HERC3: variants seen among roughly 807,000 people sequenced by gnomAD.
The protein encoded by HERC3 is HECT and RLD domain containing E3 ubiquitin protein ligase 3.
A neutral mutation model predicts 129.9 loss-of-function variants in HERC3; 58 were observed. The ratio of observed to expected loss-of-function variants is 0.45; its 90% CI spans 0.36 to 0.56. The LOEUF (loss-of-function observed/expected upper bound fraction) is 0.56. Among genes scored for constraint, HERC3 ranks in the 20% least tolerant of loss-of-function variants. The probability of loss-of-function intolerance (pLI) is 0.00; values close to 1 mark genes in which losing one functional copy is unlikely to be tolerated. For synonymous variants in HERC3, 430 were observed against 451.0 expected, an observed-to-expected ratio of 0.95 and a Z score of 0.59; for missense variants, 835 against 1,244.2, an observed-to-expected ratio of 0.67 and a Z score of 4.95.
Position 88,617,200 on chromosome 4 carries a change from A to AAAAAT in HERC3, c.226+11152_226+11153insAAATA, listed in dbSNP as rs1423791287. Among the ~76,000 whole-genome samples the AAAAAT allele has an allele frequency of 1.1e-4, 16 of 145,660 alleles. 1 individual carries two copies. In the East Asian group the frequency reaches 1.6e-3, roughly 15 times the overall value. ...CAAAAAAAAAAAAAAAAAAAAAAAA[A>AAAAAT]AGAAATTGAGAACCTTCTCTGAGGA... On this transcript the variant is annotated intron_variant, in intron 3 of 25. Transcript: ENST00000402738.
intron 3 of HERC3, among the ~76,000 whole-genome samples, chr4:88,610,546 G>A (rs183029018): frequency 6.6e-6 from 1 of 152,100 alleles, no homozygotes; most frequent in African/African-American, 2.4e-5. Context: ...TTAAGATGGA[G>A]TTGCTCTGGT....
intron 14 of HERC3, 48 bp from the exon 15 acceptor site, chr4:88,669,812 C>G: frequency 2.0e-6 from 3 of 1,522,720 alleles, no homozygotes; most frequent in Non-Finnish European, 1.8e-6. Context: ...GACATAAATA[C>G]TTGCCCAAGA....
At chr4:88,618,674 C>G (rs974048973) in intron 3 of HERC3, among the ~76,000 whole-genome samples, 2 of 152,094 alleles carry the variant, frequency 1.3e-5, no homozygotes, top group African/African-American at 4.8e-5. Context: ...AGGAAGGTAC[C>G]AGTACATTCC....
chr4:88,568,026 T>C, the HERC3 span, among the ~76,000 whole-genome samples: 1 of 152,254 alleles, frequency 6.6e-6, no homozygotes, highest in African/African-American at 2.4e-5. Context: ...AAAGCTAGTA[T>C]GCAGACTTGT....
chr4:88,677,531 A>G (rs1732299674), intron 18 of HERC3, among the ~76,000 whole-genome samples: 2 of 152,214 alleles, frequency 1.3e-5, no homozygotes, highest in South Asian at 4.1e-4. Flanking sequence ...ATGTTGCTAT[A>G]TCTGTGATAT....
intron 3 of HERC3, among the ~76,000 whole-genome samples, chr4:88,617,475 A>G (rs1725034538): frequency 6.6e-6 from 1 of 152,220 alleles, no homozygotes; most frequent in South Asian, 2.1e-4. Context: ...TTGGCCTCAT[A>G]CTATATGAAC....
At chr4:88,659,941 T>C (rs1049490743) in intron 10 of HERC3, among the ~76,000 whole-genome samples, 1 of 152,116 alleles carries the variant, frequency 6.6e-6, no homozygotes, top group Non-Finnish European at 1.5e-5. Context: ...AGCATACTAT[T>C]AGAGAGGCAG....
the HERC3 span, among the ~76,000 whole-genome samples, chr4:88,568,305 C>A: frequency 6.6e-6 from 1 of 152,196 alleles, no homozygotes; most frequent in African/African-American, 2.4e-5. Flanking sequence ...ACTCAAGGCC[C>A]AAGGGCTCTT....
chr4:88,551,114 CA>C, the HERC3 span, among the ~76,000 whole-genome samples: 26 of 150,838 alleles, frequency 1.7e-4, no homozygotes, highest in African/African-American at 5.3e-4. Context: ...CCCTTCCTTA[CA>C]CCTTATACAA....
At chr4:88,667,307 T>C in intron 12 of HERC3, 70 bp from the exon 13 acceptor site, 1 of 755,634 alleles carries the variant, frequency 1.3e-6, no homozygotes, top group Non-Finnish European at 2.2e-6. Flanking sequence ...AGTATTTTAC[T>C]TGTTTATAAT....
rs1157609907 is a variant in HERC3 at position 88,680,234 on chromosome 4, A to T, written c.2338A>T (p.Thr780Ser). The T allele has an allele frequency of 6.3e-7, 1 of 1,599,158 alleles. No individual in the cohort carries two copies. The change falls in exon 20 of 26, where the codon ACG becomes TCG. Residue 780 changes from threonine (T) to serine (S), a missense_variant and splice_region_variant. Coordinates refer to ENST00000402738, the MANE Select transcript of HERC3 (RefSeq NM_014606.3). ...QDSNLLWFSD[T>S]CFVEHNWFHL... ...TTCAAATCTCTTGTGGTTTTCAGAC[A>T]CGGTAAGTAAGTGGTGTCACAATTA... is the stretch of plus-strand genomic sequence containing the variant.
At chr4:88,669,764 A>G (rs1359073031) in intron 14 of HERC3, 96 bp from the exon 15 acceptor site, 2 of 1,032,036 alleles carry the variant, frequency 1.9e-6, no homozygotes, top group South Asian at 1.6e-5. Flanking sequence ...ACTAATGTTT[A>G]TCTTCTAGAC....
intron 2 of HERC3, among the ~76,000 whole-genome samples, chr4:88,601,778 C>T (rs1167455842): frequency 0.21 from 27,720 of 134,550 alleles, 6,557 homozygotes; most frequent in African/African-American, 0.59. Flanking sequence ...ATTCAGGGGC[C>T]GGGCGCGGTG....
chr4:88,637,888 TA>T (rs1316915352), intron 3 of HERC3, among the ~76,000 whole-genome samples: 2 of 151,766 alleles, frequency 1.3e-5, no homozygotes, highest in East Asian at 3.9e-4. Flanking sequence ...ATTGACACAG[TA>T]AAAAACAATA....
chr4:88,609,575 C>G (rs976141277), intron 3 of HERC3, among the ~76,000 whole-genome samples: 3 of 152,122 alleles, frequency 2.0e-5, no homozygotes, highest in African/African-American at 7.2e-5. Context: ...AAGTTTCTTC[C>G]TATTTCTGAG....
At chr4:88,584,798 C>T in the HERC3 span, among the ~76,000 whole-genome samples, 1 of 152,146 alleles carries the variant, frequency 6.6e-6, no homozygotes, top group East Asian at 1.9e-4. Context: ...ATAAATTACC[C>T]CATCTGTGGT....
chr4:88,572,264 A>T, the HERC3 span, among the ~76,000 whole-genome samples: 2 of 151,938 alleles, frequency 1.3e-5, no homozygotes, highest in Admixed American at 6.6e-5. Flanking sequence ...TCTCCAAAAA[A>T]GTGTATTCTT....
Position 88,659,997 on chromosome 4 carries a change from G to C in HERC3, c.1146+1506G>C, listed in dbSNP as rs116782197. Among the ~76,000 whole-genome samples the C allele has an allele frequency of 9.4e-3, 1,438 of 152,234 alleles. 20 individuals are homozygous for C. Among genetic ancestry groups the C allele is most frequent in the African/African-American group, 0.032 (1,341 of 41,546 alleles). ...ACTGGAAAGAGGGATAGGTATGCAT[G>C]AAAAGTGTAAGATCACAAAGAAAAA... On this transcript the variant is annotated intron_variant, in intron 10 of 25. Coordinates refer to ENST00000402738, the MANE Select transcript of HERC3 (RefSeq NM_014606.3).
At chr4:88,616,319 G>T (rs1253527186) in intron 3 of HERC3, among the ~76,000 whole-genome samples, 3 of 152,122 alleles carry the variant, frequency 2.0e-5, no homozygotes, top group Non-Finnish European at 4.4e-5. Context: ...ATTACTTCCA[G>T]CATTCTCATC....
Sources: allele counts gnomAD v4.1 joint callset (sites outside exome capture counted in the v4.1 genomes callset), GRCh38; gene constraint gnomAD v4.1.1; transcripts MANE v1.5; gene names NCBI Gene and HGNC (gene_info 2026-07-23, HGNC 2026-07-21).